The following HNRNPH1 variants were observed in gnomAD, a reference collection of about 807,000 sequenced individuals.
The protein encoded by HNRNPH1 is heterogeneous nuclear ribonucleoprotein H1, also known as heterogeneous nuclear ribonucleoprotein H.
HNRNPH1 carries 4 observed loss-of-function variants against 58.6 expected under a neutral mutation model. The ratio of observed to expected loss-of-function variants is 0.07; its 90% CI spans 0.03 to 0.16. The LOEUF (loss-of-function observed/expected upper bound fraction) is 0.16. Among genes scored for constraint, HNRNPH1 ranks in the 10% least tolerant of loss-of-function variants. HNRNPH1 has a pLI of 1.00. For synonymous variants in HNRNPH1, 192 were observed against 189.2 expected (o/e 1.01, Z -0.12); for missense variants, 271 against 564.2 (o/e 0.48, Z 5.26).
intron 10 of HNRNPH1, chr5:179,616,458 G>A (rs1375651272): frequency 2.0e-5 from 11 of 552,034 alleles, no homozygotes; most frequent in Non-Finnish European, 3.2e-6. Flanking sequence ...AAATCAACAT[G>A]ATTCCGTAAG....
exon 5 of HNRNPH1, chr5:179,618,219 C>A: frequency 6.2e-7 from 1 of 1,614,186 alleles, no homozygotes; most frequent in Non-Finnish European, 8.5e-7. Flanking sequence ...TCTACCAGCC[C>A]CAGGTCTGTC....
chr5:179,626,902 A>G (rs572847997), upstream of HNRNPH1, among the ~76,000 whole-genome samples: 2 of 147,868 alleles, frequency 1.4e-5, no homozygotes, highest in African/African-American at 5.2e-5. Context: ...CAGCCTCCCG[A>G]GTAGAGTAGC....
At chr5:179,614,921 C>T (rs1469136927) in exon 13 of HNRNPH1, 4 of 1,549,902 alleles carry the variant, frequency 2.6e-6, no homozygotes, top group Non-Finnish European at 3.5e-6. Flanking sequence ...GCACGGCTTC[C>T]ACTACTGTAG....
chr5:179,628,724 G>A (rs1174490704), upstream of HNRNPH1, among the ~76,000 whole-genome samples: 2 of 152,164 alleles, frequency 1.3e-5, no homozygotes, highest in African/African-American at 2.4e-5. Context: ...CTGATCACTT[G>A]AAGTCAAGAG....
intron 2 of HNRNPH1, among the ~76,000 whole-genome samples, chr5:179,632,402 C>G (rs1381904344): frequency 6.6e-6 from 1 of 152,236 alleles, no homozygotes; most frequent in Non-Finnish European, 1.5e-5. Context: ...CAGCACGGTC[C>G]GCCCTTGCGG....
At chr5:179,623,198 C>T in exon 1 of HNRNPH1, 1 of 1,226,682 alleles carries the variant, frequency 8.2e-7, no homozygotes, top group Non-Finnish European at 1.2e-6. Context: ...CTGAGAGCGC[C>T]AATTAAGCTG....
chr5:179,617,608 A>G, exon 8 of HNRNPH1: 1 of 1,614,126 alleles, frequency 6.2e-7, no homozygotes, highest in Non-Finnish European at 8.5e-7. Flanking sequence ...CATCAGGACC[A>G]ATTTCAATGT....
intron 12 of HNRNPH1, 123 bp from the exon 14 acceptor site, chr5:179,615,082 G>A (rs892028854): frequency 3.0e-6 from 2 of 670,192 alleles, no homozygotes; most frequent in African/African-American, 3.6e-5. Flanking sequence ...CAAGTGGCGA[G>A]ACGCATGTTT....
exon 1 of HNRNPH1, chr5:179,624,233 G>C: frequency 2.9e-6 from 1 of 345,726 alleles, no homozygotes; most frequent in Non-Finnish European, 5.2e-6. Flanking sequence ...TGGGAGCTGC[G>C]GGGCTGCGGA....
At chr5:179,621,667 T>C (rs1176592844) in intron 1 of HNRNPH1, 1 of 479,842 alleles carries the variant, frequency 2.1e-6, no homozygotes, top group Non-Finnish European at 3.8e-6. Flanking sequence ...TACTCATGTC[T>C]ACATCACACA....
chr5:179,627,031 T>C (rs1021315681), upstream of HNRNPH1, among the ~76,000 whole-genome samples: 11 of 152,088 alleles, frequency 7.2e-5, no homozygotes, highest in Non-Finnish European at 1.0e-4. Flanking sequence ...TCCGCCCACC[T>C]CGGGCTCCCA....
exon 1 of HNRNPH1, chr5:179,623,698 T>C (rs1300894538): frequency 6.6e-6 from 1 of 152,424 alleles, no homozygotes; most frequent in African/African-American, 2.4e-5. Context: ...GCAACCTAAA[T>C]AAGGTCCCTT....
intron 2 of HNRNPH1, among the ~76,000 whole-genome samples, chr5:179,632,226 T>G (rs958865624): frequency 2.0e-5 from 3 of 150,926 alleles, no homozygotes; most frequent in African/African-American, 7.3e-5. Flanking sequence ...GAGAATGGCG[T>G]GAACCCGGGA....
chr5:179,623,039 G>T, exon 1 of HNRNPH1: 1 of 1,547,582 alleles, frequency 6.5e-7, no homozygotes, highest in Non-Finnish European at 8.8e-7. Flanking sequence ...TAACTCACCA[G>T]AAAAAAACCT....
chr5:179,622,847 C>T (rs1773218726), intron 1 of HNRNPH1, 190 bp downstream of exon 2: 1 of 152,624 alleles, frequency 6.6e-6, no homozygotes, highest in African/African-American at 2.4e-5. Flanking sequence ...CATTGCGTAA[C>T]AGCGGGCCGC....
intron 4 of HNRNPH1, 96 bp downstream of exon 5, chr5:179,619,173 T>C: frequency 8.8e-7 from 1 of 1,133,084 alleles, no homozygotes; most frequent in Admixed American, 2.3e-5. Flanking sequence ...TACCTAGGAC[T>C]ACAAAACATT....
chr5:179,623,337 C>T, exon 1 of HNRNPH1: 2 of 409,156 alleles, frequency 4.9e-6, no homozygotes, highest in Non-Finnish European at 4.6e-6. Context: ...CTGTCCTGAG[C>T]AACAGCTGTC....
At position 179,616,322 on chromosome 5, in the gene HNRNPH1, A is replaced by G. The variant is rs574957567; in HGVS notation, c.1208-104T>C. On this transcript the variant is annotated intron_variant, in intron 10 of 12. Coordinates refer to ENST00000356731, the Ensembl canonical transcript of HNRNPH1. ...GCTATCATTTTCCAGTCTTGATCTT[A>G]CATTACTGTAACCCTCTGCCTCCTT... 12 of 921,460 alleles carry G rather than the reference A, an allele frequency of 1.3e-5. No homozygotes were observed. The East Asian group carries it at 2.4e-4, about 19-fold the overall frequency. 57.1% of individuals were successfully genotyped at this position (921,460 alleles called of 1,614,324 possible).
chr5:179,633,786 C>T (rs2127747006), intron 2 of HNRNPH1: 2 of 152,232 alleles, frequency 1.3e-5, no homozygotes, highest in South Asian at 4.1e-4. Context: ...TCGCAGAGTG[C>T]ACCTGTATTC....
Sources: gnomAD v4.1 joint callset for allele counts (sites outside exome capture counted in the v4.1 genomes callset) on GRCh38, gnomAD v4.1.1 for gene constraint, MANE v1.5 for transcripts, NCBI Gene and HGNC (gene_info 2026-07-23, HGNC 2026-07-21) for gene names.